The following TSGA13 variants were observed in gnomAD, a reference collection of about 807,000 sequenced individuals.
TSGA13 encodes testis-specific gene 13 protein.
A neutral mutation model predicts 35.1 loss-of-function variants in TSGA13; 37 were observed. That is an observed-to-expected ratio of 1.05 (90% CI 0.81 to 1.39). The LOEUF is 1.39. Among genes scored for constraint, TSGA13 ranks in the 40% most tolerant of loss-of-function variants. The probability of loss-of-function intolerance (pLI) is 0.00; values close to 1 mark genes in which losing one functional copy is unlikely to be tolerated. For missense variants in TSGA13, 338 were observed against 328.5 expected (o/e 1.03, Z -0.22); for synonymous variants, 124 against 121.2 (o/e 1.02, Z -0.15).
chr7:130,685,698 G>A (rs1796643261), intron 1 of TSGA13, among the ~76,000 whole-genome samples: 1 of 152,174 alleles, frequency 6.6e-6, no homozygotes, highest in African/African-American at 2.4e-5. Context: ...GCTAAAGGTG[G>A]AGAAGCAGCC....
intron 5 of TSGA13, among the ~76,000 whole-genome samples, chr7:130,677,463 C>T (rs1349606589): frequency 6.6e-6 from 1 of 151,438 alleles, no homozygotes; most frequent in Non-Finnish European, 1.5e-5. Context: ...CTCGCCCTGT[C>T]GCCCATGCTG....
At chr7:130,685,463 C>A in intron 1 of TSGA13, 103 bp from the exon 2 acceptor site, 1 of 1,125,698 alleles carries the variant, frequency 8.9e-7, no homozygotes, top group South Asian at 3.3e-5. Context: ...ATTTCACAAA[C>A]GGGGGAGGTG....
At chr7:130,677,828 G>T (rs542142644) in intron 5 of TSGA13, among the ~76,000 whole-genome samples, 1 of 152,174 alleles carries the variant, frequency 6.6e-6, no homozygotes, top group South Asian at 2.1e-4. Flanking sequence ...CTTTTGTCAT[G>T]GGTCACTTCC....
chr7:130,669,808 A>G (rs1554462685), intron 7 of TSGA13, among the ~76,000 whole-genome samples: 4 of 152,228 alleles, frequency 2.6e-5, no homozygotes, highest in South Asian at 2.1e-4. Context: ...TTTGCTTTAT[A>G]TGGCTTGTAA....
chr7:130,680,854 A>G (rs1796529097), intron 4 of TSGA13, 92 bp downstream of exon 4: 2 of 1,154,732 alleles, frequency 1.7e-6, no homozygotes, highest in Admixed American at 1.8e-5. Context: ...AGCTGGGGAC[A>G]CTTGGAGGCA....
chr7:130,683,739 A>G, intron 2 of TSGA13, 67 bp from the exon 3 acceptor site: 3 of 1,451,492 alleles, frequency 2.1e-6, no homozygotes, highest in Admixed American at 3.6e-5. Flanking sequence ...GCATATTGTC[A>G]GTCTCCCTCA....
At chr7:130,680,743 C>T (rs533517543) in intron 4 of TSGA13, among the ~76,000 whole-genome samples, 30 of 152,234 alleles carry the variant, frequency 2.0e-4, no homozygotes, top group African/African-American at 7.0e-4. Context: ...CTTCCCAGTT[C>T]TCATCTCCCA....
chr7:130,672,812 T>C lies in TSGA13; in HGVS notation c.452A>G (p.Lys151Arg), dbSNP rs782257490. 1.2e-6 allele frequency: 2 copies of C among 1,613,558 alleles called. No individual in the cohort carries two copies. The highest frequency in any genetic ancestry group is 2.2e-5 in the South Asian group (2 of 90,988). The change falls in exon 6 of 8, where the codon AAG becomes AGG. Residue 151 changes from lysine to arginine, a missense_variant. Physicochemically the swap from Lys to Arg is conservative, Grantham distance 26. Coordinates refer to ENST00000356588, the MANE Select transcript of TSGA13 (RefSeq NM_052933.4). ...GATTGGTTTCAGCTTAGATCTTAAC[T>C]TTTTTTTCTGAGGCATGCGGGGCAG... ...LWLPRMPQKKKLRSKLKPIFP... is the reference protein window; with the variant it reads ...LWLPRMPQKKRLRSKLKPIFP...
intron 1 of TSGA13, among the ~76,000 whole-genome samples, chr7:130,686,014 G>A (rs1796649147): frequency 6.6e-6 from 1 of 152,158 alleles, no homozygotes; most frequent in African/African-American, 2.4e-5. Context: ...ATAAAAGCAG[G>A]TAGGTCGAAT....
rs1554464635 is a variant in TSGA13, at chr7:130,679,221, TGA to T, written c.319_320del (p.Ser107AsnfsTer32). 4 of 1,614,160 alleles carry T rather than the reference TGA, an allele frequency of 2.5e-6. No individual in the cohort carries two copies. The highest frequency in any genetic ancestry group is 2.5e-6 in the Non-Finnish European group (3 of 1,180,022). On this transcript the variant is annotated frameshift_variant, in exon 5 of 8. Coordinates refer to ENST00000356588, the MANE Select transcript of TSGA13 (RefSeq NM_052933.4). LOFTEE classifies it high-confidence loss of function. The part of the protein sequence containing the change: ...LIMTNNPPPC[S>X]ITQQDKESAS... ...CACTCTCCTTGTCTTGCTGGGTGAT[TGA>T]GCAGGGAGGTGGGTTGTTGGTCATA...
chr7:130,680,801 G>T (rs1554464962), intron 4 of TSGA13, 145 bp downstream of exon 4: 1 of 709,990 alleles, frequency 1.4e-6, no homozygotes, highest in East Asian at 2.7e-5. Flanking sequence ...ATAACCTAGA[G>T]GCAGCTCTGC....
In TSGA13 at chr7:130,680,931, G is replaced by A. The variant is rs1401486061; in HGVS notation, c.174+15C>T. 6.2e-7 allele frequency: 1 copy of A among 1,613,064 alleles called. No individual in the cohort carries two copies. The highest frequency in any genetic ancestry group is 8.5e-7 in the Non-Finnish European group (1 of 1,179,256). On this transcript the variant is annotated intron_variant, in intron 4 of 7. Coordinates refer to ENST00000356588, the MANE Select transcript of TSGA13 (RefSeq NM_052933.4). Reference sequence around the variant, plus strand: ...TTCCCCTTAGAGATCTTGGGGGAATGCTTTCTCTACCTACCAAATTTGGAT... The same window carrying A: ...TTCCCCTTAGAGATCTTGGGGGAATACTTTCTCTACCTACCAAATTTGGAT...
chr7:130,668,887 G>T lies in TSGA13; in HGVS notation c.*127C>A, dbSNP rs1158450420. On this transcript the variant is annotated 3_prime_UTR_variant, in exon 8 of 8. Transcript: ENST00000356588. Reference sequence around the variant, plus strand: ...TGCGGCCCGCCGGAGACTTCGGCTCGACCCTCCCGGCTTGCGACCCGGGAG... The same window carrying T: ...TGCGGCCCGCCGGAGACTTCGGCTCTACCCTCCCGGCTTGCGACCCGGGAG... 4 of 1,424,924 alleles carry T rather than the reference G, an allele frequency of 2.8e-6. No homozygotes were observed. Among genetic ancestry groups the T allele is most frequent in the African/African-American group, 1.5e-5 (1 of 68,442 alleles). The allele number at this position is 1,424,924 out of a possible 1,614,324, so 88.3% of individuals were successfully genotyped here.
intron 5 of TSGA13, among the ~76,000 whole-genome samples, chr7:130,674,141 CTTCTT>C (rs1379234557): frequency 7.1e-6 from 1 of 141,136 alleles, no homozygotes; most frequent in East Asian, 2.1e-4. Context: ...TGAGAGCCTT[CTTCTT>C]TTCTTCTTTT....
upstream of TSGA13, chr7:130,687,284 T>A (rs1489372605): frequency 6.6e-6 from 1 of 152,240 alleles, no homozygotes; most frequent in Non-Finnish European, 1.5e-5. Flanking sequence ...GTTTTGTGCA[T>A]GTCATTGTAT....
intron 3 of TSGA13, 37 bp from the exon 4 acceptor site, chr7:130,681,054 C>T: frequency 6.3e-7 from 1 of 1,579,152 alleles, no homozygotes; most frequent in Non-Finnish European, 8.7e-7. Flanking sequence ...TTTGAAGTTG[C>T]ACCTATCCTA....
At chr7:130,674,572 G>A (rs1003591756) in intron 5 of TSGA13, among the ~76,000 whole-genome samples, 4 of 152,114 alleles carry the variant, frequency 2.6e-5, no homozygotes, top group Non-Finnish European at 4.4e-5. Flanking sequence ...CATTATCTGT[G>A]TGATCATTTG....
intron 7 of TSGA13, among the ~76,000 whole-genome samples, chr7:130,671,234 CATTTT>C (rs1221561652): frequency 6.6e-6 from 1 of 151,998 alleles, no homozygotes; most frequent in Non-Finnish European, 1.5e-5. Flanking sequence ...CATAGATAAA[CATTTT>C]AAAATTTCAT....
chr7:130,683,320 T>G (rs1248330724), intron 3 of TSGA13, among the ~76,000 whole-genome samples: 2 of 152,216 alleles, frequency 1.3e-5, no homozygotes, highest in Non-Finnish European at 2.9e-5. Flanking sequence ...AGTTGTAAAG[T>G]CTGCGTAAGT....
Sources: allele counts gnomAD v4.1 joint callset (sites outside exome capture counted in the v4.1 genomes callset), GRCh38; gene constraint gnomAD v4.1.1; transcripts MANE v1.5; gene names NCBI Gene and HGNC (gene_info 2026-07-23, HGNC 2026-07-21).